AGO3: variants seen among roughly 807,000 people sequenced by gnomAD.
The protein encoded by AGO3 is argonaute RISC catalytic component 3, also known as protein argonaute-3.
Under a neutral mutation model 105.5 loss-of-function variants are expected in AGO3, and 16 were observed. The observed-to-expected ratio is 0.15, with a 90% confidence interval of 0.10 to 0.23. AGO3 has a LOEUF of 0.23. Ranked by LOEUF, AGO3 falls within the 10% of genes least tolerant of loss-of-function variation. The probability of loss-of-function intolerance (pLI) is 1.00; values close to 1 mark genes in which losing one functional copy is unlikely to be tolerated. For missense variants in AGO3, 534 were observed against 1,088.0 expected, an observed-to-expected ratio of 0.49 and a Z score of 7.16; for synonymous variants, 340 against 367.3, an observed-to-expected ratio of 0.93 and a Z score of 0.85.
intron 1 of AGO3, among the ~76,000 whole-genome samples, chr1:35,932,363 G>T (rs1339794671): frequency 6.6e-6 from 1 of 152,040 alleles, no homozygotes; most frequent in Admixed American, 6.5e-5. Context: ...ATATTTGCGG[G>T]GCTGTCTTGT....
At chr1:36,013,566 A>G in intron 9 of AGO3, 64 bp from the exon 10 acceptor site, 1 of 1,574,696 alleles carries the variant, frequency 6.4e-7, no homozygotes, top group Non-Finnish European at 8.7e-7. Flanking sequence ...AGAGGGTTCT[A>G]ATGCATTAAA....
intron 12 of AGO3, among the ~76,000 whole-genome samples, chr1:36,032,761 G>A (rs534245191): frequency 6.6e-6 from 1 of 152,214 alleles, no homozygotes; most frequent in South Asian, 2.1e-4. Context: ...AGGCCAAGAC[G>A]GGTGGATCAC....
intron 5 of AGO3, among the ~76,000 whole-genome samples, chr1:35,995,320 CTT>C (rs1400351228): frequency 6.7e-6 from 1 of 150,184 alleles, no homozygotes; most frequent in Non-Finnish European, 1.5e-5. Flanking sequence ...GCCAAAAAAT[CTT>C]TTAAAGAAGA....
chr1:36,014,181 CAG>C (rs1321747936), intron 11 of AGO3, 133 bp downstream of exon 11: 3 of 1,156,744 alleles, frequency 2.6e-6, no homozygotes, highest in South Asian at 1.5e-5. Context: ...TTTTTTGAGA[CAG>C]AGTCTCACTC....
At chr1:35,997,366 C>T (rs557579535) in intron 5 of AGO3, among the ~76,000 whole-genome samples, 1 of 152,084 alleles carries the variant, frequency 6.6e-6, no homozygotes, top group Non-Finnish European at 1.5e-5. Context: ...GTTTGACTTC[C>T]GATTTTTCAA....
Position 35,955,590 on chromosome 1 carries a change from C to CT in AGO3, c.191+9744dup, listed in dbSNP as rs748373778. ...GAATGAACGAGAGGTACACTGTTAA[C>CT]TTTTTTTTTTTTTTTTTAATTGAGA... On this transcript the variant is annotated intron_variant, in intron 2 of 18. Transcript: ENST00000373191. 7.4e-3 allele frequency among the ~76,000 whole-genome samples: 1,036 copies of CT among 139,284 alleles called. 10 individuals carry two copies. The highest frequency in any genetic ancestry group is 0.046 in the East Asian group (222 of 4,822). The allele number at this position is 139,284 out of a possible 152,430, so 91.4% of individuals were successfully genotyped here.
chr1:36,058,312 C>G lies in AGO3; in HGVS notation c.*2567C>G, dbSNP rs980598570. On this transcript the variant is annotated 3_prime_UTR_variant, in exon 19 of 19. Coordinates refer to ENST00000373191, the MANE Select transcript of AGO3 (RefSeq NM_024852.4). ...CACTGAAACGTGGGAAATTGTTTTA[C>G]AAAACTTTTATTGATTACACTTTAA... 2.0e-5 allele frequency: 3 copies of G among 151,950 alleles called. No individual in the cohort carries two copies. Among genetic ancestry groups the G allele is most frequent in the African/African-American group, 7.3e-5 (3 of 41,366 alleles). The allele number at this position is 151,950 out of a possible 1,614,324, so 9.4% of individuals were successfully genotyped here. A position where few individuals can be genotyped will look rare whatever the true frequency, so the allele number is the denominator to read the frequency against.
chr1:35,955,607 T>A (rs1031277889), intron 2 of AGO3, among the ~76,000 whole-genome samples: 18 of 151,164 alleles, frequency 1.2e-4, no homozygotes, highest in East Asian at 7.8e-4. Flanking sequence ...TTTTTTTTTT[T>A]AATTGAGACA....
chr1:35,983,209 A>C (rs1463517605), intron 5 of AGO3: 1 of 152,202 alleles, frequency 6.6e-6, no homozygotes, highest in African/African-American at 2.4e-5. Context: ...TCTACAAAAT[A>C]CCTTCATAGC....
At chr1:36,050,186 A>C (rs1642647081) in intron 17 of AGO3, among the ~76,000 whole-genome samples, 1 of 152,222 alleles carries the variant, frequency 6.6e-6, no homozygotes, top group African/African-American at 2.4e-5. Context: ...ATTTCAACAA[A>C]TTTAAAATAA....
chr1:36,036,881 A>G (rs1182247052), intron 14 of AGO3, among the ~76,000 whole-genome samples: 1 of 152,082 alleles, frequency 6.6e-6, no homozygotes, highest in African/African-American at 2.4e-5. Flanking sequence ...CTTTTAGTAG[A>G]GACGGGGCTT....
At chr1:36,012,622 A>G (rs1569776090) in intron 9 of AGO3, among the ~76,000 whole-genome samples, 1 of 152,114 alleles carries the variant, frequency 6.6e-6, no homozygotes, top group African/African-American at 2.4e-5. Context: ...TAAAAGCTTT[A>G]AGATTTTTAA....
intron 1 of AGO3, 131 bp from the exon 2 acceptor site, chr1:35,945,561 A>G (rs1646348082): frequency 1.2e-6 from 1 of 861,306 alleles, no homozygotes; most frequent in South Asian, 1.9e-5. Context: ...AGTGTTAGAA[A>G]TGATGTCATC....
chr1:35,931,010 C>T (rs1202788251), upstream of AGO3: 2 of 359,392 alleles, frequency 5.6e-6, no homozygotes, highest in Non-Finnish European at 9.9e-6. Flanking sequence ...CCCGACGTCG[C>T]TCCGGCACGG....
At position 36,062,746 on chromosome 1, in the gene AGO3, T is replaced by G. The variant is rs934144494; in HGVS notation, c.*7001T>G. 6.6e-6 allele frequency: 1 copy of G among 152,012 alleles called. No individual in the cohort carries two copies. Among genetic ancestry groups the G allele is most frequent in the African/African-American group, 2.4e-5 (1 of 41,430 alleles). The allele number at this position is 152,012 out of a possible 1,614,324, so 9.4% of individuals were successfully genotyped here. A position where few individuals can be genotyped will look rare whatever the true frequency, so the allele number is the denominator to read the frequency against. On this transcript the variant is annotated 3_prime_UTR_variant, in exon 19 of 19. Coordinates refer to ENST00000373191, the MANE Select transcript of AGO3 (RefSeq NM_024852.4). ...TGAGCATTCTTCCAGAAAAGAAGAC[T>G]AAAAGCAAACAACAACAACAACAAA...
rs2148871338 is a variant in AGO3 at position 36,063,321 on chromosome 1, A to G, written c.*7576A>G. 1 of 152,120 alleles carries G rather than the reference A, an allele frequency of 6.6e-6. No individual in the cohort carries two copies. Among genetic ancestry groups the G allele is most frequent in the South Asian group, 2.1e-4 (1 of 4,812 alleles). 9.4% of individuals were successfully genotyped at this position (152,120 alleles called of 1,614,324 possible). A position where few individuals can be genotyped will look rare whatever the true frequency, so the allele number is the denominator to read the frequency against. ...CAGATTGGATTTATTTTACCTGACT[A>G]CAGTTTTGGGGAAACCTGTCAAATA... On this transcript the variant is annotated 3_prime_UTR_variant, in exon 19 of 19. Transcript: ENST00000373191.
rs1276767226 is a variant in AGO3 at position 36,070,530 on chromosome 1, C to A, written c.*14785C>A. 2.0e-5 allele frequency: 3 copies of A among 152,020 alleles called. No individual in the cohort carries two copies. The highest frequency in any genetic ancestry group is 4.4e-5 in the Non-Finnish European group (3 of 68,006). 9.4% of individuals were successfully genotyped at this position (152,020 alleles called of 1,614,324 possible). A position where few individuals can be genotyped will look rare whatever the true frequency, so the allele number is the denominator to read the frequency against. On this transcript the variant is annotated 3_prime_UTR_variant, in exon 19 of 19. Coordinates refer to ENST00000373191, the MANE Select transcript of AGO3 (RefSeq NM_024852.4). The stretch of plus-strand genomic sequence containing the variant: ...AGGGAGTGTAAACAATTCTTTGTTG[C>A]AACAGACAAGATTTTTTTTAAAAAA...
intron 17 of AGO3, among the ~76,000 whole-genome samples, chr1:36,050,706 C>T (rs1557714956): frequency 1.3e-5 from 2 of 150,024 alleles, no homozygotes; most frequent in African/African-American, 2.5e-5. Context: ...GCAGGAGAAT[C>T]GCTTGAACCC....
At chr1:36,002,663 A>G (rs1640142581) in intron 5 of AGO3, among the ~76,000 whole-genome samples, 1 of 152,050 alleles carries the variant, frequency 6.6e-6, no homozygotes, top group African/African-American at 2.4e-5. Context: ...AAATACCCAC[A>G]GTAGCCTCAC....
Sources: allele counts gnomAD v4.1 joint callset (sites outside exome capture counted in the v4.1 genomes callset), GRCh38; gene constraint gnomAD v4.1.1; transcripts MANE v1.5; gene names NCBI Gene and HGNC (gene_info 2026-07-23, HGNC 2026-07-21).